Variants in ADAP1 observed in about 807,000 individuals in gnomAD.
ADAP1 encodes ArfGAP with dual PH domains 1, also known as arf-GAP with dual PH domain-containing protein 1.
ADAP1 carries 31 observed loss-of-function variants against 54.9 expected under a neutral mutation model. The ratio of observed to expected loss-of-function variants is 0.56; its 90% confidence interval spans 0.42 to 0.76. The LOEUF is 0.76. Ranked by LOEUF, ADAP1 falls within the 30% of genes least tolerant of loss-of-function variation. ADAP1 has a pLI of 0.00. For missense variants in ADAP1, 535 were observed against 512.4 expected (o/e 1.04, Z -0.42); for synonymous variants, 313 against 202.6 (o/e 1.55, Z -4.63).
rs914226325 is a variant in ADAP1 at position 898,809 on chromosome 7, C to G, written c.*112G>C. The G allele has an allele frequency of 6.8e-7, 1 of 1,463,946 alleles. No homozygotes were observed. Among genetic ancestry groups the G allele is most frequent in the Non-Finnish European group, 9.3e-7 (1 of 1,079,632 alleles). 90.7% of individuals were successfully genotyped at this position (1,463,946 alleles called of 1,614,324 possible). On this transcript the variant is annotated 3_prime_UTR_variant, in exon 11 of 11. Coordinates refer to ENST00000265846, the MANE Select transcript of ADAP1 (RefSeq NM_006869.4). The stretch of plus-strand genomic sequence containing the variant: ...CCCTACCTGGCCGCGCCGGGCTGCC[C>G]TGAGGAGCAGGTGGGGCCAGGTGGC...
chr7:935,350 TC>T (rs1486946126), intron 2 of ADAP1, 24 bp downstream of exon 2: 2 of 1,547,124 alleles, frequency 1.3e-6, no homozygotes, highest in Non-Finnish European at 1.7e-6. Flanking sequence ...ACTGCGCGGG[TC>T]CCCCCGCCCC....
rs1443262045 is a variant in ADAP1 at position 945,897 on chromosome 7, G to C, written c.82+8499C>G. ...GTCCCCCAAGCCAAGGCCCAGGCTG[G>C]GGCACGGGCAGGGGGAAGGGCAGTA... On this transcript the variant is annotated intron_variant, in intron 1 of 10. Coordinates refer to ENST00000265846, the MANE Select transcript of ADAP1 (RefSeq NM_006869.4). This position sits in a 1 kb window ranked among gnomAD's most constrained non-coding sequence, Gnocchi z 4.2. 3.3e-6 allele frequency: 3 copies of C among 919,568 alleles called. No individual in the cohort carries two copies. The African/African-American group carries it at 5.4e-5, about 16-fold the overall frequency. 57.0% of individuals were successfully genotyped at this position (919,568 alleles called of 1,614,324 possible).
chr7:947,962 G>A (rs538113989), intron 1 of ADAP1, among the ~76,000 whole-genome samples: 1 of 151,638 alleles, frequency 6.6e-6, no homozygotes, highest in Non-Finnish European at 1.5e-5. Context: ...CGAGGTGCAC[G>A]GCTGCCCCCA....
chr7:909,800 G>A (rs1845645015), intron 4 of ADAP1, among the ~76,000 whole-genome samples: 1 of 152,286 alleles, frequency 6.6e-6, no homozygotes, highest in East Asian at 1.9e-4. Flanking sequence ...AACAGCTACC[G>A]CGTGCCGCGC....
chr7:930,917 C>G (rs1273697370), intron 2 of ADAP1, among the ~76,000 whole-genome samples: 6 of 147,016 alleles, frequency 4.1e-5, no homozygotes, highest in African/African-American at 1.5e-4. Flanking sequence ...AAGTTCAAGG[C>G]TTTAGTGAGC....
At chr7:935,797 C>T (rs1267425252) in intron 1 of ADAP1, among the ~76,000 whole-genome samples, 1 of 152,164 alleles carries the variant, frequency 6.6e-6, no homozygotes, top group African/African-American at 2.4e-5. Context: ...GAGGCCGGCC[C>T]CACAGGAGCC....
chr7:903,565 G>A (rs1329061506), intron 6 of ADAP1, among the ~76,000 whole-genome samples: 3 of 152,144 alleles, frequency 2.0e-5, no homozygotes, highest in East Asian at 1.9e-4. Flanking sequence ...CCACCGCTGC[G>A]CCCCCTGCAG....
chr7:930,125 A>AAC lies in ADAP1; in HGVS notation c.214-3482_214-3481insGT, dbSNP rs1554276353. 3.6e-4 allele frequency among the ~76,000 whole-genome samples: 48 copies of AAC among 134,810 alleles called. 1 individual carries two copies. Among genetic ancestry groups the AAC allele is most frequent in the South Asian group, 7.5e-4 (3 of 3,994 alleles). 88.4% of individuals were successfully genotyped at this position (134,810 alleles called of 152,430 possible). On this transcript the variant is annotated intron_variant, in intron 2 of 10. Coordinates refer to ENST00000265846, the MANE Select transcript of ADAP1 (RefSeq NM_006869.4). ...TCAAAAAAAAAAAAAAAAAAAAAAA[A>AAC]AACCCTCAGGCAGAGAAGGCCTATT...
At position 905,065 on chromosome 7, in the gene ADAP1, T is replaced by A. The variant is rs148274328; in HGVS notation, c.496A>T (p.Asn166Tyr). The change falls in exon 5 of 11, where the codon AAT (asparagine) becomes TAT (tyrosine). Residue 166 changes from asparagine (N) to tyrosine (Y), a missense_variant. Transcript: ENST00000265846. ...CACCCCCGTCTGTGACTCACATCATTTCTGTTGAAATACTTCAGAGCACCC... is the reference window on the plus strand; with the variant it reads ...CACCCCCGTCTGTGACTCACATCATATCTGTTGAAATACTTCAGAGCACCC... The part of the protein sequence containing the change: ...REGALKYFNR[N>Y]DAKEPKAVMK... 1.2e-6 allele frequency: 2 copies of A among 1,610,772 alleles called. No homozygotes were observed. The highest frequency in any genetic ancestry group is 1.7e-6 in the Non-Finnish European group (2 of 1,179,788).
chr7:915,569 G>A (rs891247679), intron 4 of ADAP1, among the ~76,000 whole-genome samples: 6 of 152,226 alleles, frequency 3.9e-5, no homozygotes, highest in African/African-American at 1.4e-4. Context: ...CTGCTGGGAG[G>A]CCTCTCCCTC....
rs191370915 is a variant in ADAP1, at chr7:947,102, C to T, written c.82+7294G>A. On this transcript the variant is annotated intron_variant, in intron 1 of 10. Coordinates refer to ENST00000265846, the MANE Select transcript of ADAP1 (RefSeq NM_006869.4). ...TCACTCAGGCTGGAGTGCAGTGGTG[C>T]GATCATGGTTCACTGCAGCCTCGGC... Among the ~76,000 whole-genome samples the T allele has an allele frequency of 4.3e-3, 655 of 151,572 alleles. 4 individuals are homozygous for T. The highest frequency in any genetic ancestry group is 0.011 in the South Asian group (52 of 4,792).
intron 5 of ADAP1, 119 bp downstream of exon 5, chr7:904,941 A>AT (rs1485320738): frequency 9.3e-6 from 8 of 856,728 alleles, no homozygotes; most frequent in Non-Finnish European, 1.5e-5. Context: ...GAGCGTCCCC[A>AT]TCGGGGGGGG....
At position 926,612 on chromosome 7, in the gene ADAP1, T is replaced by C. The variant is rs1173231558; in HGVS notation, c.246A>G (p.Arg82=). 1 of 1,544,810 alleles carries C rather than the reference T, an allele frequency of 6.5e-7. No individual in the cohort carries two copies. Among genetic ancestry groups the C allele is most frequent in the Non-Finnish European group, 8.7e-7 (1 of 1,144,994 alleles). The change falls in exon 3 of 11, where the codon AGA becomes AGG. Residue 82 remains arginine, a synonymous_variant. Coordinates refer to ENST00000265846, the MANE Select transcript of ADAP1 (RefSeq NM_006869.4). This position sits in a 1 kb window ranked among gnomAD's most constrained non-coding sequence, Gnocchi z 4.6. ...AGGGTACTTTGGACTCAAACCTGGC[T>C]CTCGCGGCGTCGTTCCCGTGGGAGG... The part of the protein sequence containing the change: ...FMASHGNDAA[R]ARFESKVPSF...
At chr7:928,235 C>A (rs908556579) in intron 2 of ADAP1, among the ~76,000 whole-genome samples, 10 of 152,078 alleles carry the variant, frequency 6.6e-5, no homozygotes, top group South Asian at 2.1e-4. Flanking sequence ...GACACAGCGG[C>A]TCACACCTGT....
upstream of ADAP1, chr7:955,250 C>T (rs1222089306): frequency 3.3e-6 from 5 of 1,537,506 alleles, no homozygotes; most frequent in Admixed American, 5.9e-5. Flanking sequence ...CGGGACTTCA[C>T]ATGGGGGCTG....
rs376718104 is a variant in ADAP1, at chr7:942,084, C to T, written c.83-6579G>A. ...TCCTACCAACGGTGCTGGAACAATC[C>T]GGTATCATCCACAACACAGTAAACA... On this transcript the variant is annotated intron_variant, in intron 1 of 10. Transcript: ENST00000265846. 2.4e-3 allele frequency among the ~76,000 whole-genome samples: 368 copies of T among 152,310 alleles called. 2 individuals are homozygous for T. Among genetic ancestry groups the T allele is most frequent in the African/African-American group, 8.2e-3 (340 of 41,570 alleles).
At position 931,139 on chromosome 7, in the gene ADAP1, A is replaced by G. The variant is rs552392648; in HGVS notation, c.213+4236T>C. The stretch of plus-strand genomic sequence containing the variant: ...AGAGGGAGGGACGGAAGAAAGGAAG[A>G]CAGGAGGGAAGGAAGGAGGGAGGGA... On this transcript the variant is annotated intron_variant, in intron 2 of 10. Coordinates refer to ENST00000265846, the MANE Select transcript of ADAP1 (RefSeq NM_006869.4). Among the ~76,000 whole-genome samples the G allele has an allele frequency of 3.3e-3, 491 of 150,608 alleles. 4 individuals are homozygous for G. Among genetic ancestry groups the G allele is most frequent in the African/African-American group, 0.012 (475 of 40,968 alleles).
intron 2 of ADAP1, among the ~76,000 whole-genome samples, chr7:931,964 G>C (rs1329316903): frequency 6.6e-6 from 1 of 152,168 alleles, no homozygotes. Flanking sequence ...AGGGGCCTGA[G>C]TGCAGGGAGC....
intron 1 of ADAP1, among the ~76,000 whole-genome samples, chr7:947,255 C>T (rs1847164802): frequency 6.9e-6 from 1 of 144,866 alleles, no homozygotes; most frequent in Non-Finnish European, 1.5e-5. Flanking sequence ...GGGGGTCTCA[C>T]CATGTTGGCC....
Sources: gnomAD v4.1 joint callset for allele counts (sites outside exome capture counted in the v4.1 genomes callset) on GRCh38, gnomAD v4.1.1 for gene constraint, Gnocchi (gnomAD v3.1) non-coding constraint, MANE v1.5 for transcripts, NCBI Gene and HGNC (gene_info 2026-07-23, HGNC 2026-07-21) for gene names.